The following CERS6 variants were observed in gnomAD, a reference collection of about 807,000 sequenced individuals.
CERS6 encodes LAG1 homolog, ceramide synthase 6.
CERS6 carries 26 observed loss-of-function variants against 56.8 expected under a neutral mutation model. The observed-to-expected ratio is 0.46, with a 90% confidence interval of 0.34 to 0.63. The LOEUF (loss-of-function observed/expected upper bound fraction) is 0.63, where lower values mean the gene tolerates loss of function less well. Ranked by LOEUF, CERS6 falls within the 30% of genes least tolerant of loss-of-function variation. CERS6 has a pLI of 0.01. For missense variants in CERS6, 415 were observed against 467.5 expected (o/e 0.89, Z 1.04); for synonymous variants, 164 against 173.3 (o/e 0.95, Z 0.42).
intron 1 of CERS6, among the ~76,000 whole-genome samples, chr2:168,501,589 A>ATGT (rs145186202): frequency 0.018 from 2,725 of 152,340 alleles, 50 homozygotes; most frequent in African/African-American, 0.047. Context: ...GAGAGAGTCA[A>ATGT]TGTTCTCTGG....
chr2:168,567,880 A>G (rs1695911059), intron 3 of CERS6, among the ~76,000 whole-genome samples: 1 of 152,236 alleles, frequency 6.6e-6, no homozygotes, highest in South Asian at 2.1e-4. Context: ...TAGTATCCTC[A>G]AGGCAGCATT....
At chr2:168,484,152 CTT>C (rs1558966870) in intron 1 of CERS6, among the ~76,000 whole-genome samples, 1 of 73,358 alleles carries the variant, frequency 1.4e-5, no homozygotes, top group Non-Finnish European at 3.1e-5. Flanking sequence ...TTTTCTTTTT[CTT>C]TTTCTTTTTT....
rs76710790 is a variant in CERS6, at chr2:168,674,831, A to T, written c.466-16203A>T. 5.9e-5 allele frequency among the ~76,000 whole-genome samples: 9 copies of T among 152,258 alleles called. No homozygotes were observed. The East Asian group carries it at 1.7e-3, about 29-fold the overall frequency. On this transcript the variant is annotated intron_variant, in intron 4 of 9. Coordinates refer to ENST00000305747, the MANE Select transcript of CERS6 (RefSeq NM_203463.3). ...GGTTCTCAGACTTTTTGGTATCAGG[A>T]ACCCTTTACTCTTGTAACAATTATA...
intron 3 of CERS6, among the ~76,000 whole-genome samples, chr2:168,571,639 A>G (rs75646004): frequency 0.038 from 5,792 of 152,210 alleles, 266 homozygotes; most frequent in African/African-American, 0.1. Flanking sequence ...ACTAAAAGCA[A>G]TTGGAGCCAA....
intron 4 of CERS6, among the ~76,000 whole-genome samples, chr2:168,668,577 G>A (rs1466450765): frequency 6.6e-6 from 1 of 151,544 alleles, no homozygotes; most frequent in African/African-American, 2.4e-5. Flanking sequence ...CTCACGAGTA[G>A]CTGGGATTAC....
intron 4 of CERS6, chr2:168,644,024 T>G (rs764668372): frequency 2.2e-6 from 2 of 900,006 alleles, no homozygotes; most frequent in Non-Finnish European, 2.7e-6. Flanking sequence ...GAAATGCCAT[T>G]TTGTTAAGAA....
intron 6 of CERS6, among the ~76,000 whole-genome samples, chr2:168,698,060 G>A (rs771505826): frequency 1.1e-4 from 17 of 152,010 alleles, no homozygotes; most frequent in Admixed American, 2.6e-4. Context: ...AGGAGGCCGA[G>A]GTGGGTGGGT....
chr2:168,712,992 T>A (rs1186554206), intron 6 of CERS6, among the ~76,000 whole-genome samples: 1 of 152,078 alleles, frequency 6.6e-6, no homozygotes, highest in Non-Finnish European at 1.5e-5. Context: ...CCATAGCACA[T>A]TTTTACCTTC....
intron 4 of CERS6, among the ~76,000 whole-genome samples, chr2:168,670,059 G>A (rs1211683142): frequency 1.3e-5 from 2 of 152,102 alleles, no homozygotes; most frequent in African/African-American, 4.8e-5. Context: ...TGTTGCAATT[G>A]GGGTGATCTA....
chr2:168,507,565 T>C (rs1694700731), intron 1 of CERS6, among the ~76,000 whole-genome samples: 1 of 152,138 alleles, frequency 6.6e-6, no homozygotes, highest in South Asian at 2.1e-4. Flanking sequence ...CATTTGGTGG[T>C]GATAATCTGG....
chr2:168,702,217 A>G (rs1226840445), intron 6 of CERS6, among the ~76,000 whole-genome samples: 1 of 152,196 alleles, frequency 6.6e-6, no homozygotes, highest in Admixed American at 6.5e-5. Flanking sequence ...ATATATTGAA[A>G]AAGAATATTG....
chr2:168,637,374 CAGGAGG>C (rs1175833157), intron 4 of CERS6, among the ~76,000 whole-genome samples: 1 of 152,084 alleles, frequency 6.6e-6, no homozygotes, highest in East Asian at 1.9e-4. Context: ...CCCAGCTACT[CAGGAGG>C]CTGAGGCAGG....
chr2:168,678,157 A>G (rs1352693150), intron 4 of CERS6, among the ~76,000 whole-genome samples: 1 of 152,240 alleles, frequency 6.6e-6, no homozygotes, highest in Non-Finnish European at 1.5e-5. Context: ...CTTTTTTACC[A>G]TCAGTACAAA....
chr2:168,656,856 G>A (rs1685486735), intron 4 of CERS6, among the ~76,000 whole-genome samples: 1 of 152,146 alleles, frequency 6.6e-6, no homozygotes, highest in South Asian at 2.1e-4. Flanking sequence ...GCGCTGATTG[G>A]TGCGTTTACA....
intron 2 of CERS6, among the ~76,000 whole-genome samples, chr2:168,552,241 T>G (rs1387728305): frequency 6.6e-6 from 1 of 152,018 alleles, no homozygotes; most frequent in Non-Finnish European, 1.5e-5. Flanking sequence ...ATATAAATGT[T>G]TATGTGAGTC....
intron 3 of CERS6, among the ~76,000 whole-genome samples, chr2:168,609,276 G>A (rs911545584): frequency 1.2e-4 from 18 of 152,088 alleles, no homozygotes; most frequent in Non-Finnish European, 2.2e-4. Flanking sequence ...ACTGTGAGTA[G>A]TCACCACCCC....
rs1694549396 is a variant in CERS6 at position 168,499,906 on chromosome 2, GA to G, written c.170+43291del. Among the ~76,000 whole-genome samples, 7 of 152,240 alleles carry G rather than the reference GA, an allele frequency of 4.6e-5. No homozygotes were observed. The East Asian group carries it at 1.4e-3, about 29-fold the overall frequency. On this transcript the variant is annotated intron_variant, in intron 1 of 9. Transcript: ENST00000305747. ...TCATTTTTTAGTCTGTGGAAAGCAG[GA>G]AACCTCTCATTATTGGGCTGGATGG...
chr2:168,549,667 T>C (rs1167369505), intron 2 of CERS6, among the ~76,000 whole-genome samples: 2 of 152,126 alleles, frequency 1.3e-5, no homozygotes, highest in Non-Finnish European at 1.5e-5. Flanking sequence ...AAATACTTGC[T>C]TCTAGCTAAT....
At chr2:168,461,749 A>C (rs1011951041) in intron 1 of CERS6, among the ~76,000 whole-genome samples, 5 of 152,224 alleles carry the variant, frequency 3.3e-5, no homozygotes, top group Non-Finnish European at 5.9e-5. Flanking sequence ...TTAAATTATC[A>C]CCATGATGTA....
Sources: gnomAD v4.1 joint callset for allele counts (sites outside exome capture counted in the v4.1 genomes callset) on GRCh38, gnomAD v4.1.1 for gene constraint, MANE v1.5 for transcripts, NCBI Gene and HGNC (gene_info 2026-07-23, HGNC 2026-07-21) for gene names.